The following DAP3 variants were observed in gnomAD, a reference collection of about 807,000 sequenced individuals.
The protein encoded by DAP3 is small ribosomal subunit protein mS29.
Under a neutral mutation model 51.9 loss-of-function variants are expected in DAP3, and 28 were observed. The observed-to-expected ratio is 0.54, with a 90% CI of 0.40 to 0.74. The LOEUF is 0.74. Among genes scored for constraint, DAP3 ranks in the 30% least tolerant of loss-of-function variants. DAP3 has a pLI of 0.00. For synonymous variants in DAP3, 170 were observed against 170.3 expected (o/e 1.00, Z 0.01); for missense variants, 458 against 483.5 (o/e 0.95, Z 0.49).
chr1:155,691,443 C>G (rs1443000063), intron 1 of DAP3, among the ~76,000 whole-genome samples: 1 of 142,046 alleles, frequency 7.0e-6, no homozygotes, highest in Non-Finnish European at 1.5e-5. Context: ...TTCGTATTGC[C>G]AAATAATATT....
At chr1:155,688,355 A>G (rs1652960263), upstream of DAP3, 9 of 1,547,878 alleles carry the variant, frequency 5.8e-6, no homozygotes, top group Non-Finnish European at 7.9e-6. Context: ...TGGCCGCGGC[A>G]GCTCCTCCAG....
intron 4 of DAP3, 30 bp from the exon 5 acceptor site, chr1:155,725,352 C>G (rs759546424): frequency 1.9e-6 from 3 of 1,602,490 alleles, no homozygotes; most frequent in Non-Finnish European, 2.6e-6. Context: ...CCACACCCAC[C>G]CACTCTTTCC....
At chr1:155,721,415 TATAC>T (rs761584948) in intron 3 of DAP3, 98 bp from the exon 4 acceptor site, 1 of 603,588 alleles carries the variant, frequency 1.7e-6, no homozygotes, top group Non-Finnish European at 2.8e-6. Context: ...TATATATATA[TATAC>T]ACATAGACAT....
Position 155,729,283 on chromosome 1 carries a change from G to A in DAP3, c.760G>A (p.Gly254Ser), listed in dbSNP as rs751517938. 6.2e-7 allele frequency: 1 copy of A among 1,614,164 alleles called. No homozygotes were observed. The highest frequency in any genetic ancestry group is 1.7e-5 in the Admixed American group (1 of 60,002). Residue 254 changes from glycine to serine, a missense_variant, in exon 9 of 13, where the codon GGT becomes AGT. Coordinates refer to ENST00000368336, the MANE Select transcript of DAP3 (RefSeq NM_004632.4). ...LKELKRQSSL[G>S]MFHLLVAVDG... Reference sequence around the variant, plus strand: ...AGAGCTAAAGAGGCAAAGTTCTTTGGGTATGTTTCACCTCCTAGTGGCCGT... The same window carrying A: ...AGAGCTAAAGAGGCAAAGTTCTTTGAGTATGTTTCACCTCCTAGTGGCCGT...
intron 1 of DAP3, among the ~76,000 whole-genome samples, chr1:155,698,807 C>G (rs1036758322): frequency 1.3e-5 from 2 of 152,224 alleles, no homozygotes; most frequent in African/African-American, 4.8e-5. Context: ...ACATGGCGTA[C>G]TTACTTTCAG....
intron 4 of DAP3, 145 bp downstream of exon 4, chr1:155,721,763 C>T: frequency 1.4e-6 from 1 of 701,666 alleles, no homozygotes; most frequent in Non-Finnish European, 2.4e-6. Flanking sequence ...CCTTTTGTGA[C>T]TAGTACAATT....
intron 3 of DAP3, among the ~76,000 whole-genome samples, chr1:155,719,026 A>G (rs1571514855): frequency 1.3e-5 from 2 of 152,142 alleles, no homozygotes; most frequent in African/African-American, 4.8e-5. Flanking sequence ...TTGATGAGCA[A>G]TTGGCTTCAT....
At chr1:155,730,174 C>CATATATGTATATATAATATTCATATATAT (rs1659066129) in intron 9 of DAP3, among the ~76,000 whole-genome samples, 1 of 132,906 alleles carries the variant, frequency 7.5e-6, no homozygotes, top group African/African-American at 3.7e-5. Context: ...CCTATATGTT[C>CATATATGTATATATAATATTCATATATAT]ATATATGTAT....
chr1:155,688,063 C>G (rs748952816), upstream of DAP3: 3 of 1,570,892 alleles, frequency 1.9e-6, no homozygotes, highest in African/African-American at 2.7e-5. Flanking sequence ...CCAAATCGTT[C>G]TACTCACCGT....
Position 155,730,083 on chromosome 1 carries a change from C to CAT in DAP3, c.843+722_843+723dup, listed in dbSNP as rs1468361477. ...ATGTATATATACACACATATATATT[C>CAT]ATATATGTATATATACACACATATA... is the stretch of plus-strand genomic sequence containing the variant. On this transcript the variant is annotated intron_variant, in intron 9 of 12. Transcript: ENST00000368336. 3.3e-4 allele frequency among the ~76,000 whole-genome samples: 46 copies of CAT among 141,436 alleles called. 1 individual carries two copies. The highest frequency in any genetic ancestry group is 3.9e-4 in the Non-Finnish European group (26 of 66,678). 92.8% of individuals were successfully genotyped at this position (141,436 alleles called of 152,430 possible).
chr1:155,736,721 CTT>C (rs967433504), intron 11 of DAP3: 23 of 509,240 alleles, frequency 4.5e-5, no homozygotes, highest in Admixed American at 4.0e-4. Context: ...CCAGCCACCT[CTT>C]TTTAATATAT....
chr1:155,689,418 G>C lies in DAP3; in HGVS notation c.-8+244G>C, dbSNP rs185069428. The C allele has an allele frequency of 1.1e-3, 514 of 472,116 alleles. 2 individuals are homozygous for C. The highest frequency in any genetic ancestry group is 8.5e-3 in the African/African-American group (430 of 50,846). The allele number at this position is 472,116 out of a possible 1,614,324, so 29.2% of individuals were successfully genotyped here. On this transcript the variant is annotated intron_variant, in intron 1 of 12. Transcript: ENST00000368336. ...TGTCCATATGCGATGATGTTTGTTT[G>C]CCCTTGACGCACTTACTCATGGATG...
At chr1:155,698,725 A>C (rs1654817196) in intron 1 of DAP3, among the ~76,000 whole-genome samples, 1 of 152,188 alleles carries the variant, frequency 6.6e-6, no homozygotes, top group South Asian at 2.1e-4. Flanking sequence ...ACAGCATAAA[A>C]CAAATCCATA....
intron 1 of DAP3, among the ~76,000 whole-genome samples, chr1:155,697,971 G>A (rs1417499544): frequency 2.6e-5 from 4 of 152,110 alleles, no homozygotes; most frequent in East Asian, 1.9e-4. Flanking sequence ...AGAATTCAGC[G>A]ATATTTCTCC....
At chr1:155,690,327 G>T (rs142619787) in intron 1 of DAP3, among the ~76,000 whole-genome samples, 1 of 141,178 alleles carries the variant, frequency 7.1e-6, no homozygotes, top group Admixed American at 6.6e-5. Flanking sequence ...GGAGGAGGGC[G>T]CATTGCTTGA....
At chr1:155,704,957 C>T (rs1050573644) in intron 1 of DAP3, among the ~76,000 whole-genome samples, 4 of 151,730 alleles carry the variant, frequency 2.6e-5, no homozygotes, top group Non-Finnish European at 4.4e-5. Context: ...CCAGCCTGGG[C>T]GACAGAGCAA....
intron 3 of DAP3, among the ~76,000 whole-genome samples, chr1:155,718,459 C>A (rs572489361): frequency 1.3e-5 from 2 of 151,594 alleles, no homozygotes; most frequent in East Asian, 1.9e-4. Context: ...CCAAGGCAGG[C>A]GGATCATGAG....
chr1:155,726,285 ATTTTT>A (rs1174524977), intron 6 of DAP3: 25 of 120,444 alleles, frequency 2.1e-4, no homozygotes, highest in South Asian at 1.4e-3. Context: ...CGCCCAGCTA[ATTTTT>A]TTTTTTTTTT....
In DAP3 at chr1:155,738,437, G is replaced by C; in HGVS notation, c.*195G>C. 2.1e-6 allele frequency: 1 copy of C among 473,716 alleles called. No individual in the cohort carries two copies. Among genetic ancestry groups the C allele is most frequent in the Non-Finnish European group, 3.7e-6 (1 of 269,394 alleles). 29.3% of individuals were successfully genotyped at this position (473,716 alleles called of 1,614,324 possible). On this transcript the variant is annotated 3_prime_UTR_variant, in exon 13 of 13. Coordinates refer to ENST00000368336, the MANE Select transcript of DAP3 (RefSeq NM_004632.4). ...ATGCGTGACAATAAGATATTCCCTT[G>C]TTCCTAAAACTTTATATCAGTTTAT...
Sources: allele counts gnomAD v4.1 joint callset (sites outside exome capture counted in the v4.1 genomes callset), GRCh38; gene constraint gnomAD v4.1.1; transcripts MANE v1.5; gene names NCBI Gene and HGNC (gene_info 2026-07-23, HGNC 2026-07-21).